Variants in HERC2 observed in about 807,000 individuals in gnomAD.
HERC2 encodes E3 ubiquitin-protein ligase HERC2.
In HERC2, 102 loss-of-function variants were observed where a neutral mutation model predicts 537.7. That is an observed-to-expected ratio of 0.19 (90% confidence interval 0.16 to 0.22). HERC2 has a LOEUF of 0.22. Ranked by LOEUF, HERC2 falls within the 10% of genes least tolerant of loss-of-function variation. HERC2 has a pLI of 1.00. For synonymous variants in HERC2, 2,224 were observed against 2,466.2 expected, an observed-to-expected ratio of 0.90 and a Z score of 2.91; for missense variants, 4,236 against 6,198.2, an observed-to-expected ratio of 0.68 and a Z score of 10.63.
intron 64 of HERC2, 77 bp downstream of exon 64, chr15:28,175,435 G>T: frequency 7.4e-7 from 1 of 1,360,264 alleles, no homozygotes; most frequent in Non-Finnish European, 1.0e-6. Flanking sequence ...GATTTCAACA[G>T]GACGAAGGCC....
At chr15:28,272,873 C>A in intron 8 of HERC2, 21 bp downstream of exon 8, 1 of 1,555,730 alleles carries the variant, frequency 6.4e-7, no homozygotes, top group Non-Finnish European at 8.8e-7. Flanking sequence ...CCAAAGCGTT[C>A]CCGTCTGCGG....
At chr15:28,290,863 C>CA (rs1384381392) in intron 4 of HERC2, among the ~76,000 whole-genome samples, 2 of 151,854 alleles carry the variant, frequency 1.3e-5, no homozygotes, top group East Asian at 1.9e-4. Flanking sequence ...TTAGAAAAGA[C>CA]AAAAAATCTA....
At chr15:28,270,115 C>A (rs780575672) in intron 10 of HERC2, among the ~76,000 whole-genome samples, 4 of 152,070 alleles carry the variant, frequency 2.6e-5, no homozygotes, top group African/African-American at 9.7e-5. Flanking sequence ...GCATATGCCA[C>A]CATGCCCAGC....
At chr15:28,282,892 C>A (rs1667395) in intron 4 of HERC2, among the ~76,000 whole-genome samples, 1 of 151,308 alleles carries the variant, frequency 6.6e-6, no homozygotes, top group Non-Finnish European at 1.5e-5. Context: ...AGAACGTCCA[C>A]TGCACTCCAG....
chr15:28,274,388 G>A lies in HERC2; in HGVS notation c.703C>T (p.Leu235Phe). 1.2e-6 allele frequency: 2 copies of A among 1,614,124 alleles called. No homozygotes were observed. Among genetic ancestry groups the A allele is most frequent in the African/African-American group, 1.3e-5 (1 of 75,076 alleles). Residue 235 changes from leucine to phenylalanine, a missense_variant, in exon 7 of 93, where the codon CTT (leucine) becomes TTT (phenylalanine). By Grantham distance (22) the Leu-to-Phe change is conservative. Around this residue, in one of 27 missense-constraint regions of HERC2, gnomAD observed 491 missense variants for 559.3 expected, o/e 0.88. Transcript: ENST00000261609. Reference sequence around the variant, plus strand: ...TCGTCAAAGAGCGAGGCCTCGGGAAGTGCTCGCAGGGCGTCCAGGGACTCC... The same window carrying A: ...TCGTCAAAGAGCGAGGCCTCGGGAAATGCTCGCAGGGCGTCCAGGGACTCC... ...LQESLDALRA[L>F]PEASLFDEST...
chr15:28,306,756 T>A (rs1243082311), intron 2 of HERC2, among the ~76,000 whole-genome samples: 1 of 152,210 alleles, frequency 6.6e-6, no homozygotes, highest in African/African-American at 2.4e-5. Context: ...TCATTACCTG[T>A]TATTGGTATG....
rs2076358047 is a variant in HERC2, at chr15:28,292,926, T to G, written c.284A>C (p.Lys95Thr). ...CCATACCCAGCTGTCCAGAATTGAC[T>G]TGGCCCTATATATAGGTGCAGGAGT... is the stretch of plus-strand genomic sequence containing the variant. ...EETPAPIYRA[K>T]SILDSWVWGK... The change falls in exon 4 of 93, where the codon AAG becomes ACG. Residue 95 changes from lysine (K) to threonine (T), a missense_variant. Transcript: ENST00000261609. The G allele has an allele frequency of 6.2e-7, 1 of 1,611,098 alleles. No homozygotes were observed. Among genetic ancestry groups the G allele is most frequent in the Admixed American group, 1.7e-5 (1 of 59,804 alleles).
intron 39 of HERC2, among the ~76,000 whole-genome samples, chr15:28,215,052 G>C (rs1899743015): frequency 6.6e-6 from 1 of 151,540 alleles, no homozygotes; most frequent in African/African-American, 2.4e-5. Context: ...TTTTTTTTTG[G>C]ATTTTTGGTA....
At chr15:28,199,566 A>T (rs1897695870) in intron 48 of HERC2, among the ~76,000 whole-genome samples, 2 of 152,214 alleles carry the variant, frequency 1.3e-5, no homozygotes, top group Non-Finnish European at 2.9e-5. Context: ...GAACTCAGAG[A>T]AGATGAAGTT....
chr15:28,283,227 C>T (rs1334241515), intron 4 of HERC2, among the ~76,000 whole-genome samples: 1 of 151,954 alleles, frequency 6.6e-6, no homozygotes, highest in Non-Finnish European at 1.5e-5. Flanking sequence ...AAACCCTAAA[C>T]AGGATGAACC....
chr15:28,229,573 C>T lies in HERC2; in HGVS notation c.5007G>A (p.Leu1669=). 6.2e-7 allele frequency: 1 copy of T among 1,612,832 alleles called. No homozygotes were observed. The highest frequency in any genetic ancestry group is 8.5e-7 in the Non-Finnish European group (1 of 1,179,744). Residue 1669 remains leucine, a synonymous_variant, in exon 33 of 93, where the codon CTG becomes CTA. Transcript: ENST00000261609. The part of the protein sequence containing the change: ...LKQLERAEVR[L]EGIDTILKLA... ...GTTTTAAAATTGTATCTATCCCTTC[C>T]AGGCGAACCTCTGCTCTCTCCAACT...
intron 21 of HERC2, 85 bp from the exon 22 acceptor site, chr15:28,246,982 A>C: frequency 4.6e-5 from 52 of 1,123,228 alleles, no homozygotes; most frequent in East Asian, 7.4e-5. Context: ...TGCTATTCTC[A>C]TCTACACATC....
rs1899594657 is a variant in HERC2 at position 28,214,146 on chromosome 15, A to G, written c.6485T>C (p.Leu2162Pro). The G allele has an allele frequency of 6.2e-7, 1 of 1,614,030 alleles. No individual in the cohort carries two copies. The highest frequency in any genetic ancestry group is 1.7e-5 in the Admixed American group (1 of 60,026). Residue 2162 changes from leucine (L) to proline (P), a missense_variant, in exon 41 of 93, where the codon CTC becomes CCC. Leu to Pro is a moderately conservative substitution (Grantham distance 98). This residue lies in a region of HERC2 where 365 missense variants were observed against 468.8 expected (regional missense o/e 0.78). Coordinates refer to ENST00000261609, the MANE Select transcript of HERC2 (RefSeq NM_004667.6). ...TLHSLTQWNGLINKYINSQLR... is the reference protein window; with the variant it reads ...TLHSLTQWNGPINKYINSQLR... ...CTGGGAGTTGATGTACTTGTTGATG[A>G]GCCCATTCCACTGAGTCAGGGAGTG... is the stretch of plus-strand genomic sequence containing the variant.
At chr15:28,270,244 T>TATAC (rs1567096736) in intron 10 of HERC2, among the ~76,000 whole-genome samples, 1 of 151,158 alleles carries the variant, frequency 6.6e-6, no homozygotes, top group Non-Finnish European at 1.5e-5. Flanking sequence ...TTTATTTATT[T>TATAC]ATAGATAGAT....
chr15:28,303,577 T>G (rs111732702), intron 2 of HERC2, among the ~76,000 whole-genome samples: 2,908 of 152,026 alleles, frequency 0.019, 14 homozygotes, highest in African/African-American at 0.067. Context: ...TTTTTCTATT[T>G]CTGTGAAGAA....
intron 2 of HERC2, among the ~76,000 whole-genome samples, chr15:28,310,725 C>T (rs371843516): frequency 6.7e-4 from 101 of 150,822 alleles, no homozygotes; most frequent in Admixed American, 1.0e-3. Context: ...CAAGGGAATA[C>T]GACATTTGAC....
In HERC2 at chr15:28,176,396, C is replaced by T. The variant is rs1895295521; in HGVS notation, c.9686+32G>A. The T allele has an allele frequency of 2.5e-6, 4 of 1,610,742 alleles. No individual in the cohort carries two copies. Among genetic ancestry groups the T allele is most frequent in the Non-Finnish European group, 2.5e-6 (3 of 1,177,520 alleles). Reference sequence around the variant, plus strand: ...TTCCCTGCACACACCTGCACAAGCACACACAGTGTGACAGGGAGGACGTTT... The same window carrying T: ...TTCCCTGCACACACCTGCACAAGCATACACAGTGTGACAGGGAGGACGTTT... On this transcript the variant is annotated intron_variant, in intron 63 of 92. Coordinates refer to ENST00000261609, the MANE Select transcript of HERC2 (RefSeq NM_004667.6). The surrounding 1 kb of genome is among the most constrained non-coding windows in gnomAD (Gnocchi z 5.0).
chr15:28,152,945 G>A (rs1020391073), intron 69 of HERC2, 115 bp from the exon 70 acceptor site: 5 of 1,028,776 alleles, frequency 4.9e-6, no homozygotes, highest in Non-Finnish European at 7.0e-6. Context: ...TGGCAGAGTG[G>A]AGGGCTTGGA....
At chr15:28,314,828 T>G (rs1239117382) in intron 2 of HERC2, among the ~76,000 whole-genome samples, 1 of 149,308 alleles carries the variant, frequency 6.7e-6, no homozygotes, top group Non-Finnish European at 1.5e-5. Flanking sequence ...GCCACTGCAC[T>G]CCAGCCTGGG....
Sources: gnomAD v4.1 joint callset for allele counts (sites outside exome capture counted in the v4.1 genomes callset) on GRCh38, gnomAD v4.1.1 for gene constraint, gnomAD v4.1.1 regional missense constraint, Gnocchi (gnomAD v3.1) non-coding constraint, MANE v1.5 for transcripts, NCBI Gene and HGNC (gene_info 2026-07-23, HGNC 2026-07-21) for gene names.